Variants in FBXO31 observed in about 807,000 individuals in gnomAD.
FBXO31 encodes F-box protein 31, also known as F-box only protein 31.
A neutral mutation model predicts 54.4 loss-of-function variants in FBXO31; 24 were observed. The observed-to-expected ratio is 0.44, with a 90% CI of 0.32 to 0.62. The LOEUF (loss-of-function observed/expected upper bound fraction) is 0.62, where lower values mean the gene tolerates loss of function less well. Ranked by LOEUF, FBXO31 falls within the 20% of genes least tolerant of loss-of-function variation. The probability of loss-of-function intolerance (pLI) is 0.05; values close to 1 mark genes in which losing one functional copy is unlikely to be tolerated. For missense variants in FBXO31, 665 were observed against 787.1 expected (o/e 0.84, Z 1.86); for synonymous variants, 388 against 335.6 (o/e 1.16, Z -1.71).
intron 3 of FBXO31, among the ~76,000 whole-genome samples, chr16:87,344,481 C>G (rs530063867): frequency 6.6e-6 from 1 of 152,194 alleles, no homozygotes; most frequent in Non-Finnish European, 1.5e-5. Flanking sequence ...AGCCTCACCC[C>G]CTTCTGGGAG....
In FBXO31 at chr16:87,336,478, T is replaced by C. The variant is rs544156789; in HGVS notation, c.733-214A>G. Among the ~76,000 whole-genome samples the C allele has an allele frequency of 6.6e-6, 1 of 152,094 alleles. No individual in the cohort carries two copies. Among genetic ancestry groups the C allele is most frequent in the South Asian group, 2.1e-4 (1 of 4,810 alleles). On this transcript the variant is annotated intron_variant, in intron 5 of 8. Coordinates refer to ENST00000311635, the MANE Select transcript of FBXO31 (RefSeq NM_024735.5). The surrounding 1 kb of genome is among the most constrained non-coding windows in gnomAD (Gnocchi z 6.5). ...GTCAGAGGTGCCTGCCAACAAAAAG[T>C]GAAGGTTCCGGGCCCTTGGTCTGCT...
rs534890830 is a variant in FBXO31 at position 87,328,880 on chromosome 16, T to A, written c.*2408A>T. 2.2e-4 allele frequency: 33 copies of A among 152,370 alleles called. No homozygotes were observed. The highest frequency in any genetic ancestry group is 7.2e-4 in the African/African-American group (30 of 41,574). The allele number at this position is 152,370 out of a possible 1,614,324, so 9.4% of individuals were successfully genotyped here. On this transcript the variant is annotated 3_prime_UTR_variant, in exon 9 of 9. Coordinates refer to ENST00000311635, the MANE Select transcript of FBXO31 (RefSeq NM_024735.5). ...TCCTGAACTGGGTTACTCAGCCTCC[T>A]CCTTGGAAACGGTTTTATCCAACTC...
intron 1 of FBXO31, among the ~76,000 whole-genome samples, chr16:87,369,313 C>T (rs188024411): frequency 3.3e-5 from 5 of 152,108 alleles, no homozygotes; most frequent in African/African-American, 1.2e-4. Context: ...TCTTCCCAGA[C>T]AAACTGTCCC....
At chr16:87,343,550 C>G in intron 4 of FBXO31, 48 bp downstream of exon 4, 1 of 1,553,094 alleles carries the variant, frequency 6.4e-7, no homozygotes, top group Non-Finnish European at 8.7e-7. Context: ...GGAGCCCACA[C>G]AGGACAGCCC....
At chr16:87,365,010 A>AATAAATATATATATATATATATATAT (rs1906294219) in intron 1 of FBXO31, among the ~76,000 whole-genome samples, 2 of 47,684 alleles carry the variant, frequency 4.2e-5, no homozygotes, top group Non-Finnish European at 7.2e-5. Context: ...CCGTCTCTTA[A>AATAAATATATATATATATATATATAT]ATATATATAT....
Position 87,329,206 on chromosome 16 carries a change from T to A in FBXO31, c.*2082A>T, listed in dbSNP as rs917943292. ...TGGCCCTGCCTGGCATCACTGCAGG[T>A]CACCACCATGGAGAGACCCCCGCCC... is the stretch of plus-strand genomic sequence containing the variant. On this transcript the variant is annotated 3_prime_UTR_variant, in exon 9 of 9. Transcript: ENST00000311635. 6.6e-6 allele frequency: 1 copy of A among 152,542 alleles called. No homozygotes were observed. Among genetic ancestry groups the A allele is most frequent in the Non-Finnish European group, 1.5e-5 (1 of 68,370 alleles). The allele number at this position is 152,542 out of a possible 1,614,324, so 9.4% of individuals were successfully genotyped here. A position where few individuals can be genotyped will look rare whatever the true frequency, so the allele number is the denominator to read the frequency against.
chr16:87,351,348 T>C (rs1905647029), intron 2 of FBXO31, among the ~76,000 whole-genome samples: 1 of 152,122 alleles, frequency 6.6e-6, no homozygotes, highest in African/African-American at 2.4e-5. Flanking sequence ...AAACATGTCA[T>C]CTAGATGCCT....
intron 5 of FBXO31, among the ~76,000 whole-genome samples, chr16:87,341,285 T>C (rs568525267): frequency 2.0e-5 from 3 of 152,304 alleles, no homozygotes; most frequent in South Asian, 4.1e-4. Context: ...AGAAATGTAA[T>C]ATGGTTTTCT....
At chr16:87,374,714 G>T (rs989860518) in intron 1 of FBXO31, among the ~76,000 whole-genome samples, 2 of 152,188 alleles carry the variant, frequency 1.3e-5, no homozygotes, top group East Asian at 3.8e-4. Flanking sequence ...GGCACTGCAG[G>T]GACCATGCTG....
chr16:87,357,351 CAG>C (rs1299453739), intron 2 of FBXO31, among the ~76,000 whole-genome samples: 1 of 130,624 alleles, frequency 7.7e-6, no homozygotes, highest in Non-Finnish European at 1.6e-5. Context: ...TTTTTTGAGA[CAG>C]AGTCTCGCTC....
chr16:87,350,474 C>T (rs188946678), intron 2 of FBXO31, among the ~76,000 whole-genome samples: 14 of 152,280 alleles, frequency 9.2e-5, no homozygotes, highest in Admixed American at 2.0e-4. Context: ...TGTTACTTTA[C>T]GGTCACACCT....
Position 87,331,511 on chromosome 16 carries a change from C to G in FBXO31, c.1398-1G>C, listed in dbSNP as rs1263788774. On this transcript the variant is annotated splice_acceptor_variant, in intron 8 of 8. Coordinates refer to ENST00000311635, the MANE Select transcript of FBXO31 (RefSeq NM_024735.5). LOFTEE classifies it high-confidence loss of function. ...CGCGATGAGGCCTGTGCCATAAAAACTGAGCAGAAACAAGAGGGAAACTGT... is the reference window on the plus strand; with the variant it reads ...CGCGATGAGGCCTGTGCCATAAAAAGTGAGCAGAAACAAGAGGGAAACTGT... 6.3e-7 allele frequency: 1 copy of G among 1,595,786 alleles called. No homozygotes were observed. The highest frequency in any genetic ancestry group is 8.6e-7 in the Non-Finnish European group (1 of 1,167,188).
chr16:87,336,359 T>C lies in FBXO31; in HGVS notation c.733-95A>G. On this transcript the variant is annotated intron_variant, in intron 5 of 8. Transcript: ENST00000311635. The surrounding 1 kb of genome is among the most constrained non-coding windows in gnomAD (Gnocchi z 6.5). The stretch of plus-strand genomic sequence containing the variant: ...CTGAGAGGACACAGTGTGTCCTTCT[T>C]TGTCAGTGCACAGGCACCTGCAGGG... 1 of 1,105,164 alleles carries C rather than the reference T, an allele frequency of 9.0e-7. No individual in the cohort carries two copies. Among genetic ancestry groups the C allele is most frequent in the Non-Finnish European group, 1.4e-6 (1 of 736,484 alleles). 68.5% of individuals were successfully genotyped at this position (1,105,164 alleles called of 1,614,324 possible).
upstream of FBXO31, chr16:87,383,901 C>A (rs192112850): frequency 1.9e-3 from 902 of 469,084 alleles, 3 homozygotes; most frequent in African/African-American, 0.015. This position sits in a 1 kb window ranked among gnomAD's most constrained non-coding sequence, Gnocchi z 4.9. Flanking sequence ...CGCGCCACCC[C>A]CTCCCCGCGG....
intron 1 of FBXO31, among the ~76,000 whole-genome samples, chr16:87,361,220 C>T (rs1906116990): frequency 6.6e-6 from 1 of 152,236 alleles, no homozygotes; most frequent in Admixed American, 6.5e-5. Flanking sequence ...TCACTGCATC[C>T]TACAGCAGTC....
chr16:87,347,202 C>T lies in FBXO31; in HGVS notation c.461G>A (p.Gly154Glu). ...CACGTTCAGCAGTCCTCCGTATGGCCCGATATCTGGCTGCCACAATCCCAA... is the reference window on the plus strand; with the variant it reads ...CACGTTCAGCAGTCCTCCGTATGGCTCGATATCTGGCTGCCACAATCCCAA... Reference protein sequence around the residue: ...HILGLWQPDIGPYGGLLNVVV... With the variant: ...HILGLWQPDIEPYGGLLNVVV... The change falls in exon 3 of 9, where the codon GGG becomes GAG. Residue 154 changes from glycine to glutamate, a missense_variant. Transcript: ENST00000311635. 1 of 1,614,128 alleles carries T rather than the reference C, an allele frequency of 6.2e-7. No individual in the cohort carries two copies. The highest frequency in any genetic ancestry group is 8.5e-7 in the Non-Finnish European group (1 of 1,180,022).
chr16:87,363,976 G>T (rs1906247044), intron 1 of FBXO31, among the ~76,000 whole-genome samples: 1 of 152,212 alleles, frequency 6.6e-6, no homozygotes, highest in Non-Finnish European at 1.5e-5. Context: ...ATGGGAGGGG[G>T]AAGGGGAAAG....
intron 1 of FBXO31, among the ~76,000 whole-genome samples, chr16:87,371,301 C>G (rs1212371625): frequency 6.6e-6 from 1 of 152,208 alleles, no homozygotes; most frequent in African/African-American, 2.4e-5. Flanking sequence ...CCAGCCAGGA[C>G]TTCCGCCCCT....
At position 87,365,985 on chromosome 16, in the gene FBXO31, C is replaced by A. The variant is rs544861629; in HGVS notation, c.341-5619G>T. ...CGGAGGTTGCCGTGAGCCAAGATTG[C>A]GCCACTGCACTCCAGCCTGGGCAAC... On this transcript the variant is annotated intron_variant, in intron 1 of 8. Transcript: ENST00000311635. Among the ~76,000 whole-genome samples the A allele has an allele frequency of 3.3e-5, 5 of 152,194 alleles. No individual in the cohort carries two copies. The East Asian group carries it at 7.7e-4, about 23-fold the overall frequency.
Sources: allele counts gnomAD v4.1 joint callset (sites outside exome capture counted in the v4.1 genomes callset), GRCh38; gene constraint gnomAD v4.1.1; non-coding constraint Gnocchi (gnomAD v3.1); transcripts MANE v1.5; gene names NCBI Gene and HGNC (gene_info 2026-07-23, HGNC 2026-07-21).